BRSK1: variants seen among roughly 807,000 people sequenced by gnomAD.
BRSK1 encodes serine/threonine-protein kinase BRSK1.
A neutral mutation model predicts 86.2 loss-of-function variants in BRSK1; 17 were observed. The ratio of observed to expected loss-of-function variants is 0.20; its 90% confidence interval spans 0.14 to 0.30. BRSK1 has a LOEUF of 0.30. Among genes scored for constraint, BRSK1 ranks in the 10% least tolerant of loss-of-function variants. The probability of loss-of-function intolerance (pLI) is 1.00; values close to 1 mark genes in which losing one functional copy is unlikely to be tolerated. For synonymous variants in BRSK1, 464 were observed against 440.1 expected (o/e 1.05, Z -0.68); for missense variants, 719 against 1,071.9 (o/e 0.67, Z 4.60).
Position 55,306,466 on chromosome 19 carries a change from A to G in BRSK1, c.2089+16A>G, listed in dbSNP as rs1046233512. The G allele has an allele frequency of 3.1e-6, 5 of 1,610,338 alleles. No homozygotes were observed. Among genetic ancestry groups the G allele is most frequent in the African/African-American group, 1.3e-5 (1 of 75,024 alleles). ...CTCATCTCGGGTGAGTCTCTTGGCTAGGCTGCCTGCAGCCCAGTGCTGGGA... is the reference window on the plus strand; with the variant it reads ...CTCATCTCGGGTGAGTCTCTTGGCTGGGCTGCCTGCAGCCCAGTGCTGGGA... On this transcript the variant is annotated intron_variant, in intron 17 of 18. Coordinates refer to ENST00000309383, the MANE Select transcript of BRSK1 (RefSeq NM_032430.2). The surrounding 1 kb of genome is among the most constrained non-coding windows in gnomAD (Gnocchi z 4.7).
At position 55,284,526 on chromosome 19, in the gene BRSK1, C is replaced by G; in HGVS notation, c.84C>G (p.Ala28=). The change falls in exon 1 of 19, where the codon GCC becomes GCG. Residue 28 remains alanine (A), a synonymous_variant. Transcript: ENST00000309383. ...PHPHPHPPQH[A]QYVGPYRLEK... is the part of the protein sequence containing the mutation. ...CCCACCCCCACCCACCCCAGCACGCCCAATATGTGGGCCCCTATCGGCTGG... is the reference window on the plus strand; with the variant it reads ...CCCACCCCCACCCACCCCAGCACGCGCAATATGTGGGCCCCTATCGGCTGG... 2 of 1,341,982 alleles carry G rather than the reference C, an allele frequency of 1.5e-6. No individual in the cohort carries two copies. The highest frequency in any genetic ancestry group is 1.9e-6 in the Non-Finnish European group (2 of 1,037,754). 83.1% of individuals were successfully genotyped at this position (1,341,982 alleles called of 1,614,324 possible).
At chr19:55,307,225 CA>C (rs2088664699) in intron 17 of BRSK1, among the ~76,000 whole-genome samples, 1 of 152,184 alleles carries the variant, frequency 6.6e-6, no homozygotes, top group Non-Finnish European at 1.5e-5. Context: ...GTTCCGTCAC[CA>C]AAACCAATTA....
chr19:55,312,429 C>A lies in BRSK1; in HGVS notation c.*361C>A. The A allele has an allele frequency of 5.4e-6, 1 of 186,194 alleles. No individual in the cohort carries two copies. The highest frequency in any genetic ancestry group is 1.1e-5 in the Non-Finnish European group (1 of 92,040). The allele number at this position is 186,194 out of a possible 1,614,324, so 11.5% of individuals were successfully genotyped here. A position where few individuals can be genotyped will look rare whatever the true frequency, so the allele number is the denominator to read the frequency against. ...AACCCCCTCTTCCCGGGCCCCTCCT[C>A]CCCTGGTCCTCCCCCCACGACCTTC... is the stretch of plus-strand genomic sequence containing the variant. On this transcript the variant is annotated 3_prime_UTR_variant, in exon 19 of 19. Transcript: ENST00000309383.
At chr19:55,293,005 C>T (rs901854646) in intron 4 of BRSK1, among the ~76,000 whole-genome samples, 11 of 152,082 alleles carry the variant, frequency 7.2e-5, no homozygotes, top group Non-Finnish European at 1.0e-4. Flanking sequence ...GGGACCCCAT[C>T]TCTAAGCATA....
chr19:55,305,853 C>G (rs571065600), intron 16 of BRSK1, among the ~76,000 whole-genome samples: 4 of 152,290 alleles, frequency 2.6e-5, no homozygotes, highest in South Asian at 4.2e-4. Context: ...TGAAACTAGC[C>G]GAAGAAACTT....
Position 55,305,622 on chromosome 19 carries a change from G to T in BRSK1, c.1890+36G>T, listed in dbSNP as rs769883548. On this transcript the variant is annotated intron_variant, in intron 16 of 18. Coordinates refer to ENST00000309383, the MANE Select transcript of BRSK1 (RefSeq NM_032430.2). Reference sequence around the variant, plus strand: ...TGGGTCCCCATCGAGCCTGGCCCCCGCAGAACTACAAGTCCCAGCAGCCCC... The same window carrying T: ...TGGGTCCCCATCGAGCCTGGCCCCCTCAGAACTACAAGTCCCAGCAGCCCC... The T allele has an allele frequency of 2.5e-6, 4 of 1,612,936 alleles. 1 individual carries two copies. The South Asian group carries it at 3.3e-5, about 13-fold the overall frequency.
At chr19:55,288,689 G>T (rs1453474098) in intron 3 of BRSK1, among the ~76,000 whole-genome samples, 1 of 151,946 alleles carries the variant, frequency 6.6e-6, no homozygotes, top group African/African-American at 2.4e-5. Context: ...GGGTTCAAGT[G>T]ATTCTCCTGC....
At chr19:55,309,337 G>C (rs977320339) in intron 18 of BRSK1, among the ~76,000 whole-genome samples, 1 of 152,178 alleles carries the variant, frequency 6.6e-6, no homozygotes, top group Non-Finnish European at 1.5e-5. Context: ...CCCAGTCCTG[G>C]TCATCAAAGA....
At position 55,287,334 on chromosome 19, in the gene BRSK1, C is replaced by T. The variant is rs1009952959; in HGVS notation, c.317+35C>T. 1 of 1,599,464 alleles carries T rather than the reference C, an allele frequency of 6.3e-7. No individual in the cohort carries two copies. Among genetic ancestry groups the T allele is most frequent in the Non-Finnish European group, 8.6e-7 (1 of 1,166,870 alleles). ...TATAGACACCCAGCCCTACCCCATCCTCCCTCTCCAGGTTACCAGGGTGGG... is the reference window on the plus strand; with the variant it reads ...TATAGACACCCAGCCCTACCCCATCTTCCCTCTCCAGGTTACCAGGGTGGG... On this transcript the variant is annotated intron_variant, in intron 3 of 18. Coordinates refer to ENST00000309383, the MANE Select transcript of BRSK1 (RefSeq NM_032430.2). This position sits in a 1 kb window ranked among gnomAD's most constrained non-coding sequence, Gnocchi z 5.3.
chr19:55,295,982 A>G (rs1271986105), intron 7 of BRSK1, among the ~76,000 whole-genome samples: 4 of 152,102 alleles, frequency 2.6e-5, no homozygotes, highest in Non-Finnish European at 5.9e-5. Context: ...ATATATATAT[A>G]TAGCCAGATC....
At chr19:55,284,699 G>C in intron 1 of BRSK1, 121 bp downstream of exon 1, 1 of 871,522 alleles carries the variant, frequency 1.1e-6, no homozygotes, top group South Asian at 5.5e-5. Flanking sequence ...CCCTCATAGA[G>C]AAGGGACTTG....
chr19:55,304,778 G>A lies in BRSK1; in HGVS notation c.1575G>A (p.Arg525=), dbSNP rs1180744596. The change falls in exon 14 of 19, where the codon CGG becomes CGA. Residue 525 remains arginine, a synonymous_variant. Coordinates refer to ENST00000309383, the MANE Select transcript of BRSK1 (RefSeq NM_032430.2). This position sits in a 1 kb window ranked among gnomAD's most constrained non-coding sequence, Gnocchi z 5.2. ...TGCACTCGCCTCTGCACACGCCCCG[G>A]GCCAGTCCCACCGGGACCCCGGGGA... ...TPLHSPLHTP[R]ASPTGTPGTT... is the part of the protein sequence containing the mutation. 1.3e-6 allele frequency: 2 copies of A among 1,556,788 alleles called. No individual in the cohort carries two copies. The highest frequency in any genetic ancestry group is 2.2e-4 in the Middle Eastern group (1 of 4,572).
In BRSK1 at chr19:55,284,352, A is replaced by T; in HGVS notation, c.-91A>T. On this transcript the variant is annotated 5_prime_UTR_variant, in exon 1 of 19. Transcript: ENST00000309383. ...GTGGGGGGCAGCCGGGGGGGCCGGG[A>T]CGGAGCGGTCGCCGGCCCCCACCGG... 2.3e-6 allele frequency: 2 copies of T among 876,254 alleles called. No homozygotes were observed. The highest frequency in any genetic ancestry group is 3.0e-6 in the Non-Finnish European group (2 of 663,990). 54.3% of individuals were successfully genotyped at this position (876,254 alleles called of 1,614,324 possible). A position where few individuals can be genotyped will look rare whatever the true frequency, so the allele number is the denominator to read the frequency against.
In BRSK1 at chr19:55,284,489, A is replaced by ACCAACCCCCC; in HGVS notation, c.49_50insAACCCCCCCC (p.Leu17GlnfsTer36). 3 of 764,826 alleles carry ACCAACCCCCC rather than the reference A, an allele frequency of 3.9e-6. No individual in the cohort carries two copies. Among genetic ancestry groups the ACCAACCCCCC allele is most frequent in the African/African-American group, 1.9e-5 (1 of 53,072 alleles). The allele number at this position is 764,826 out of a possible 1,614,324, so 47.4% of individuals were successfully genotyped here. On this transcript the variant is annotated frameshift_variant, in exon 1 of 19. Transcript: ENST00000309383. LOFTEE classifies it high-confidence loss of function. ...GGAGGTGGGGGCTCTCCCGCCTACC[A>ACCAACCCCCC]CCTCCCCCACCCCCACCCCCACCCA...
rs752929574 is a variant in BRSK1, at chr19:55,308,662, G to A, written c.2113G>A (p.Val705Met). The change falls in exon 18 of 19, where the codon GTG (valine) becomes ATG (methionine). Residue 705 changes from valine to methionine, a missense_variant. This residue lies in a region of BRSK1 where 180 missense variants were observed against 259.4 expected (regional missense o/e 0.69). Coordinates refer to ENST00000309383, the MANE Select transcript of BRSK1 (RefSeq NM_032430.2). Reference protein sequence around the residue: ...ISGPSRRFKRVVETIQAQLLS... With the variant: ...ISGPSRRFKRMVETIQAQLLS... Reference sequence around the variant, plus strand: ...AGGTCCCAGCCGTCGGTTCAAGCGAGTGGTGGAGACCATCCAGGCACAGCT... The same window carrying A: ...AGGTCCCAGCCGTCGGTTCAAGCGAATGGTGGAGACCATCCAGGCACAGCT... 1 of 1,609,848 alleles carries A rather than the reference G, an allele frequency of 6.2e-7. No individual in the cohort carries two copies. Among genetic ancestry groups the A allele is most frequent in the South Asian group, 1.1e-5 (1 of 90,958 alleles).
chr19:55,292,770 G>A (rs1291133219), intron 4 of BRSK1, among the ~76,000 whole-genome samples: 2 of 151,802 alleles, frequency 1.3e-5, no homozygotes, highest in Admixed American at 6.6e-5. Context: ...GGAGACGGAG[G>A]TTGCAGTGAG....
chr19:55,287,338 C>T lies in BRSK1; in HGVS notation c.317+39C>T. On this transcript the variant is annotated intron_variant, in intron 3 of 18. Coordinates refer to ENST00000309383, the MANE Select transcript of BRSK1 (RefSeq NM_032430.2). The surrounding 1 kb of genome is among the most constrained non-coding windows in gnomAD (Gnocchi z 5.3). ...GACACCCAGCCCTACCCCATCCTCC[C>T]TCTCCAGGTTACCAGGGTGGGACTT... 6.3e-7 allele frequency: 1 copy of T among 1,594,200 alleles called. No individual in the cohort carries two copies.
chr19:55,301,936 G>T (rs71367169), intron 8 of BRSK1: 5 of 804,368 alleles, frequency 6.2e-6, no homozygotes, highest in Non-Finnish European at 8.4e-6. Context: ...TAATGCGGCC[G>T]GTCCGGGGTA....
rs567581034 is a variant in BRSK1 at position 55,292,975 on chromosome 19, T to C, written c.459-1042T>C. 2.4e-4 allele frequency among the ~76,000 whole-genome samples: 37 copies of C among 152,200 alleles called. 1 individual carries two copies. The South Asian group carries it at 7.7e-3, about 32-fold the overall frequency. On this transcript the variant is annotated intron_variant, in intron 4 of 18. Transcript: ENST00000309383. ...GTGAGCTATGACTGTGGTACTGCAC[T>C]CCAGGCCGGGCAACAGAAAGGGACC...
Sources: allele counts gnomAD v4.1 joint callset (sites outside exome capture counted in the v4.1 genomes callset), GRCh38; gene constraint gnomAD v4.1.1; regional missense constraint gnomAD v4.1.1; non-coding constraint Gnocchi (gnomAD v3.1); transcripts MANE v1.5; gene names NCBI Gene and HGNC (gene_info 2026-07-23, HGNC 2026-07-21).